Variants in REV3L observed in about 807,000 individuals in gnomAD.
REV3L encodes REV3 like, DNA directed polymerase zeta catalytic subunit.
REV3L carries 69 observed loss-of-function variants against 299.4 expected under a neutral mutation model. The ratio of observed to expected loss-of-function variants is 0.23; its 90% CI spans 0.19 to 0.28. REV3L has a LOEUF of 0.28. Ranked by LOEUF, REV3L falls within the 10% of genes least tolerant of loss-of-function variation. The probability of loss-of-function intolerance (pLI) is 1.00; values close to 1 mark genes in which losing one functional copy is unlikely to be tolerated. For synonymous variants in REV3L, 1,238 were observed against 1,271.4 expected (o/e 0.97, Z 0.56); for missense variants, 3,128 against 3,693.8 (o/e 0.85, Z 3.97).
chr6:111,376,256 T>G lies in REV3L; in HGVS notation c.2099A>C (p.Asn700Thr), dbSNP rs1490970587. 1 of 1,613,920 alleles carries G rather than the reference T, an allele frequency of 6.2e-7. No homozygotes were observed. Among genetic ancestry groups the G allele is most frequent in the South Asian group, 1.1e-5 (1 of 91,068 alleles). Reference protein sequence around the residue: ...FIHMHRHPNENTLGKNSFNFS... With the variant: ...FIHMHRHPNETTLGKNSFNFS... ...GTTGAAAGAATTTTTGCCCAATGTA[T>G]TCTCGTTAGGGTGACGGTGCATATG... Residue 700 changes from asparagine (N) to threonine (T), a missense_variant, in exon 13 of 32, where the codon AAT (asparagine) becomes ACT (threonine). Asn to Thr is a moderately conservative substitution (Grantham distance 65). Coordinates refer to ENST00000368802, the MANE Select transcript of REV3L (RefSeq NM_001372078.1).
At chr6:111,307,690 A>ATGT in intron 30 of REV3L, 120 bp from the exon 31 acceptor site, 1 of 862,828 alleles carries the variant, frequency 1.2e-6, no homozygotes, top group Non-Finnish European at 1.8e-6. Flanking sequence ...CATTCAACAA[A>ATGT]TGTTGAGTAG....
chr6:111,426,332 T>A (rs1420929797), intron 1 of REV3L, among the ~76,000 whole-genome samples: 2 of 152,154 alleles, frequency 1.3e-5, no homozygotes, highest in Admixed American at 6.5e-5. Flanking sequence ...TAGCTGAAAA[T>A]TTGATGGATT....
At chr6:111,340,716 TTTAAATTTAAGTATTCAC>T (rs1442059226) in intron 21 of REV3L, among the ~76,000 whole-genome samples, 1 of 152,154 alleles carries the variant, frequency 6.6e-6, no homozygotes, top group African/African-American at 2.4e-5. Context: ...AATGTACTCA[TTTAAATTTAAGTATTCAC>T]TTAAATTTAA....
chr6:111,363,864 C>G lies in REV3L; in HGVS notation c.6868G>C (p.Ala2290Pro). ...VSIQNLQEAK[A>P]LHEIQNLTLI... ...TGTTGCAGTTTTACCTCATGTAAAG[C>G]TTTTGCCTCCTGTAAGTTTTGTATG... Residue 2290 changes from alanine (A) to proline (P), a missense_variant, in exon 16 of 32, where the codon GCT becomes CCT. Ala to Pro is a conservative substitution (Grantham distance 27). This residue lies in a region of REV3L where 2,409 missense variants were observed against 2,611.8 expected (regional missense o/e 0.92). Coordinates refer to ENST00000368802, the MANE Select transcript of REV3L (RefSeq NM_001372078.1). The G allele has an allele frequency of 6.2e-7, 1 of 1,613,046 alleles. No individual in the cohort carries two copies. The highest frequency in any genetic ancestry group is 8.5e-7 in the Non-Finnish European group (1 of 1,179,556).
intron 1 of REV3L, among the ~76,000 whole-genome samples, chr6:111,475,953 T>C (rs772823528): frequency 2.9e-4 from 44 of 152,228 alleles, no homozygotes; most frequent in Non-Finnish European, 4.9e-4. Context: ...ACACTGTTTA[T>C]TAAACAATTC....
At chr6:111,477,216 T>G (rs912033808) in intron 1 of REV3L, among the ~76,000 whole-genome samples, 13 of 152,338 alleles carry the variant, frequency 8.5e-5, no homozygotes, top group Admixed American at 7.8e-4. Flanking sequence ...TCTGTGATGA[T>G]TATCATCTAT....
chr6:111,390,832 C>A (rs1175105523), intron 5 of REV3L, among the ~76,000 whole-genome samples: 1 of 152,086 alleles, frequency 6.6e-6, no homozygotes, highest in Non-Finnish European at 1.5e-5. Context: ...ATCTTTGACT[C>A]AAAAGCATTT....
rs749525857 is a variant in REV3L at position 111,377,821 on chromosome 6, T to G, written c.1477A>C (p.Arg493=). The part of the protein sequence containing the change: ...KKRSLCRNTH[R]SSTEDDDSSS... ...GAGTCATCATCTTCAGTTGAACTTC[T>G]GTGGGTATTTCTGCACAGTGATCTG... The change falls in exon 12 of 32, where the codon AGA becomes CGA. Residue 493 remains arginine (R), a synonymous_variant. Coordinates refer to ENST00000368802, the MANE Select transcript of REV3L (RefSeq NM_001372078.1). 1 of 1,613,070 alleles carries G rather than the reference T, an allele frequency of 6.2e-7. No individual in the cohort carries two copies. The highest frequency in any genetic ancestry group is 8.5e-7 in the Non-Finnish European group (1 of 1,179,602).
At position 111,374,943 on chromosome 6, in the gene REV3L, C is replaced by G. The variant is rs1219313152; in HGVS notation, c.3412G>C (p.Glu1138Gln). ...TCTTTTTCTGCAGCAGCCATGATTT[C>G]TTCAGCTCTTGGATCTGTGGGAGAC... ...CWSPTDPRAE[E>Q]IMAAAEKEAM... The change falls in exon 13 of 32, where the codon GAA becomes CAA. Residue 1138 changes from glutamate (E) to glutamine (Q), a missense_variant. Physicochemically the swap from Glu to Gln is conservative, Grantham distance 29 (BLOSUM62 2). Coordinates refer to ENST00000368802, the MANE Select transcript of REV3L (RefSeq NM_001372078.1). 1 of 1,612,832 alleles carries G rather than the reference C, an allele frequency of 6.2e-7. No individual in the cohort carries two copies. Among genetic ancestry groups the G allele is most frequent in the Non-Finnish European group, 8.5e-7 (1 of 1,179,664 alleles).
At chr6:111,301,975 A>G (rs763470821) in intron 31 of REV3L, among the ~76,000 whole-genome samples, 34 of 152,190 alleles carry the variant, frequency 2.2e-4, no homozygotes, top group Non-Finnish European at 3.4e-4. Context: ...ACTACTCTGG[A>G]TTGTCTTTTA....
chr6:111,300,648 A>G (rs1771390884), intron 31 of REV3L, among the ~76,000 whole-genome samples: 1 of 152,230 alleles, frequency 6.6e-6, no homozygotes, highest in South Asian at 2.1e-4. Flanking sequence ...TAATACTTTC[A>G]TAATTTCTTA....
In REV3L at chr6:111,303,168, T is replaced by TC. The variant is rs1554268702; in HGVS notation, c.9253-3013_9253-3012insG. On this transcript the variant is annotated intron_variant, in intron 31 of 31. Transcript: ENST00000368802. ...GTACTGAGGCTTTCTTTTCTTTCTTTTTTTTTTTTTTTTTGAGATGAGAGA... is the reference window on the plus strand; with the variant it reads ...GTACTGAGGCTTTCTTTTCTTTCTTTCTTTTTTTTTTTTTTGAGATGAGAGA... 4.0e-4 allele frequency among the ~76,000 whole-genome samples: 49 copies of TC among 123,212 alleles called. 2 individuals carry two copies. The highest frequency in any genetic ancestry group is 1.9e-3 in the South Asian group (7 of 3,622). The allele number at this position is 123,212 out of a possible 152,430, so 80.8% of individuals were successfully genotyped here. A position where few individuals can be genotyped will look rare whatever the true frequency, so the allele number is the denominator to read the frequency against.
At chr6:111,366,463 G>A (rs1365847496) in intron 14 of REV3L, among the ~76,000 whole-genome samples, 1 of 152,110 alleles carries the variant, frequency 6.6e-6, no homozygotes, top group Admixed American at 6.6e-5. Context: ...GATAACAACT[G>A]AGAATAATGA....
At chr6:111,437,932 C>A (rs1582992773) in intron 1 of REV3L, among the ~76,000 whole-genome samples, 2 of 152,082 alleles carry the variant, frequency 1.3e-5, no homozygotes, top group Non-Finnish European at 2.9e-5. Context: ...CAGTTCACTG[C>A]AGGTCTGACC....
At chr6:111,315,582 T>A (rs1322344498) in intron 26 of REV3L, 1 of 554,136 alleles carries the variant, frequency 1.8e-6, no homozygotes, top group Non-Finnish European at 3.2e-6. Flanking sequence ...ACAAATCTTT[T>A]AAGACATCCA....
chr6:111,309,920 G>C lies in REV3L; in HGVS notation c.8975C>G (p.Pro2992Arg). The C allele has an allele frequency of 6.2e-7, 1 of 1,614,082 alleles. No individual in the cohort carries two copies. Among genetic ancestry groups the C allele is most frequent in the Non-Finnish European group, 8.5e-7 (1 of 1,179,998 alleles). Residue 2992 changes from proline to arginine, a missense_variant, in exon 30 of 32, where the codon CCA becomes CGA. Physicochemically the swap from Pro to Arg is moderately radical, Grantham distance 103. This residue lies in a region of REV3L where 294 missense variants were observed against 377.0 expected (regional missense o/e 0.78). Coordinates refer to ENST00000368802, the MANE Select transcript of REV3L (RefSeq NM_001372078.1). The part of the protein sequence containing the change: ...ATYYITKQIL[P>R]PLARIFSLIG... ...AAGTGAGAAGATTCTTGCCAAGGGT[G>C]GAAGGATTTGCTTGGTAATATAGTA...
intron 1 of REV3L, among the ~76,000 whole-genome samples, chr6:111,462,394 C>T (rs908874168): frequency 1.3e-5 from 2 of 151,964 alleles, no homozygotes; most frequent in East Asian, 1.9e-4. Context: ...AGAGGCTGTC[C>T]GCCAGAAAGG....
At chr6:111,389,646 A>AT in intron 6 of REV3L, among the ~76,000 whole-genome samples, 1 of 150,378 alleles carries the variant, frequency 6.6e-6, no homozygotes, top group Non-Finnish European at 1.5e-5. Flanking sequence ...TCTTCATAAC[A>AT]TTTTGTATCC....
At chr6:111,325,246 T>C (rs1269026746) in intron 25 of REV3L, among the ~76,000 whole-genome samples, 2 of 152,230 alleles carry the variant, frequency 1.3e-5, no homozygotes, top group African/African-American at 4.8e-5. Flanking sequence ...GTTCAGACAA[T>C]TTTTTAAAAG....
Sources: gnomAD v4.1 joint callset for allele counts (sites outside exome capture counted in the v4.1 genomes callset) on GRCh38, gnomAD v4.1.1 for gene constraint, gnomAD v4.1.1 regional missense constraint, MANE v1.5 for transcripts, NCBI Gene and HGNC (gene_info 2026-07-23, HGNC 2026-07-21) for gene names.